The following C10orf90 variants were observed in gnomAD, a reference collection of about 807,000 sequenced individuals.
The protein encoded by C10orf90 is chromosome 10 open reading frame 90.
In C10orf90, 56 loss-of-function variants were observed where a neutral mutation model predicts 62.5. The ratio of observed to expected loss-of-function variants is 0.90; its 90% CI spans 0.72 to 1.12. The LOEUF (loss-of-function observed/expected upper bound fraction) is 1.12. C10orf90 is among the 50% of genes most tolerant of loss of function. The pLI is 0.00. For synonymous variants in C10orf90, 386 were observed against 340.4 expected (o/e 1.13, Z -1.47); for missense variants, 970 against 880.4 (o/e 1.10, Z -1.29).
At chr10:126,654,039 T>C (rs1213378899) in intron 1 of C10orf90, among the ~76,000 whole-genome samples, 1 of 152,148 alleles carries the variant, frequency 6.6e-6, no homozygotes, top group Non-Finnish European at 1.5e-5. Context: ...TGTAAATAGA[T>C]ATGCTGTGAT....
At chr10:126,643,591 T>A (rs1846107930) in intron 2 of C10orf90, among the ~76,000 whole-genome samples, 1 of 152,132 alleles carries the variant, frequency 6.6e-6, no homozygotes, top group Non-Finnish European at 1.5e-5. Flanking sequence ...GACCCAGCAG[T>A]TCCAGGTAAG....
chr10:126,464,072 G>A (rs1860147880), intron 5 of C10orf90, among the ~76,000 whole-genome samples: 5 of 151,988 alleles, frequency 3.3e-5, no homozygotes, highest in Admixed American at 2.6e-4. Context: ...TGACATAACC[G>A]GGCACCACAG....
At chr10:126,527,179 G>A (rs1863975204) in intron 2 of C10orf90, among the ~76,000 whole-genome samples, 1 of 152,132 alleles carries the variant, frequency 6.6e-6, no homozygotes. Context: ...ATTCCCACCA[G>A]CGATGTATGA....
chr10:126,596,832 G>C (rs1591130555), intron 2 of C10orf90, among the ~76,000 whole-genome samples: 1 of 152,202 alleles, frequency 6.6e-6, no homozygotes, highest in African/African-American at 2.4e-5. Flanking sequence ...GTTGGGGACT[G>C]TCTGTATATA....
chr10:126,661,451 C>A (rs1165031510), intron 1 of C10orf90, among the ~76,000 whole-genome samples: 4 of 152,148 alleles, frequency 2.6e-5, no homozygotes, highest in Admixed American at 1.3e-4. Context: ...TAGTAAGAAC[C>A]CAGACAGTCT....
At chr10:126,503,445 C>CGCACACAT (rs1862516842) in intron 4 of C10orf90, among the ~76,000 whole-genome samples, 1 of 152,192 alleles carries the variant, frequency 6.6e-6, no homozygotes, top group South Asian at 2.1e-4. Context: ...CACGCACACA[C>CGCACACAT]GCACACATTC....
chr10:126,585,358 G>A (rs376338681), intron 2 of C10orf90, among the ~76,000 whole-genome samples: 1 of 61,406 alleles, frequency 1.6e-5, no homozygotes, highest in East Asian at 5.5e-4. Flanking sequence ...AGGGAGCGAG[G>A]GGGGGAAGAA....
intron 2 of C10orf90, among the ~76,000 whole-genome samples, chr10:126,575,044 T>C (rs988436408): frequency 6.6e-6 from 1 of 151,914 alleles, no homozygotes; most frequent in Non-Finnish European, 1.5e-5. Context: ...AACAGAAGCA[T>C]TAGAAAGGAA....
chr10:126,524,880 C>G (rs1863887518), intron 2 of C10orf90: 3 of 955,794 alleles, frequency 3.1e-6, no homozygotes, highest in Non-Finnish European at 3.7e-6. Context: ...GCCATTATTT[C>G]CATCACTATG....
At chr10:126,431,343 A>C (rs552146505) in intron 7 of C10orf90, among the ~76,000 whole-genome samples, 205 of 152,256 alleles carry the variant, frequency 1.3e-3, no homozygotes, top group African/African-American at 4.7e-3. Context: ...GGACAAGGAA[A>C]TCTCCCAGCT....
At chr10:126,546,790 C>A (rs900342072) in intron 2 of C10orf90, among the ~76,000 whole-genome samples, 1 of 152,168 alleles carries the variant, frequency 6.6e-6, no homozygotes, top group Non-Finnish European at 1.5e-5. Context: ...TTAATAAGAT[C>A]CAGAGTTTTA....
chr10:126,461,984 A>G (rs887910279), intron 5 of C10orf90, among the ~76,000 whole-genome samples: 2 of 152,176 alleles, frequency 1.3e-5, no homozygotes, highest in Non-Finnish European at 2.9e-5. Flanking sequence ...TGATATAAGG[A>G]CAGGGCGCTG....
intron 7 of C10orf90, among the ~76,000 whole-genome samples, chr10:126,451,117 T>C (rs1048344871): frequency 6.6e-6 from 1 of 151,618 alleles, no homozygotes; most frequent in Admixed American, 6.6e-5. Flanking sequence ...ATCAGGGAAA[T>C]GCAAATTAAA....
intron 7 of C10orf90, among the ~76,000 whole-genome samples, chr10:126,440,666 G>A (rs1281393529): frequency 6.6e-6 from 1 of 152,186 alleles, no homozygotes; most frequent in East Asian, 1.9e-4. Context: ...CACTGAAGCA[G>A]GTGCTGGTAT....
chr10:126,552,311 G>A (rs1415578632), intron 2 of C10orf90, among the ~76,000 whole-genome samples: 1 of 152,182 alleles, frequency 6.6e-6, no homozygotes, highest in Non-Finnish European at 1.5e-5. Context: ...TTATCTTTAA[G>A]TGCTTCAGGG....
At chr10:126,535,108 G>A in intron 2 of C10orf90, among the ~76,000 whole-genome samples, 1 of 152,096 alleles carries the variant, frequency 6.6e-6, no homozygotes, top group East Asian at 1.9e-4. Flanking sequence ...CCTGGTAGCA[G>A]GGATTCTGAT....
intron 7 of C10orf90, among the ~76,000 whole-genome samples, chr10:126,437,230 A>C (rs768571231): frequency 1.3e-5 from 2 of 152,224 alleles, no homozygotes; most frequent in African/African-American, 4.8e-5. Flanking sequence ...TATTCTCTGC[A>C]AAAGATATAA....
intron 2 of C10orf90, among the ~76,000 whole-genome samples, chr10:126,571,124 G>A (rs1844496380): frequency 6.6e-6 from 1 of 152,230 alleles, no homozygotes; most frequent in Non-Finnish European, 1.5e-5. Context: ...AGCTGCAATT[G>A]GAAACGTAAA....
At chr10:126,542,428 G>A (rs573794513) in intron 2 of C10orf90, among the ~76,000 whole-genome samples, 8 of 152,050 alleles carry the variant, frequency 5.3e-5, no homozygotes, top group Admixed American at 2.0e-4. Context: ...GCTTGAACTC[G>A]GGAGGTGGAA....
Sources: allele counts gnomAD v4.1 joint callset (sites outside exome capture counted in the v4.1 genomes callset), GRCh38; gene constraint gnomAD v4.1.1; transcripts MANE v1.5; gene names NCBI Gene and HGNC (gene_info 2026-07-23, HGNC 2026-07-21).